The following DPH6 variants were observed in gnomAD, a reference collection of about 807,000 sequenced individuals.
The protein encoded by DPH6 is diphthamine biosynthesis 6, also known as diphthine--ammonia ligase.
In DPH6, 33 loss-of-function variants were observed where a neutral mutation model predicts 38.2. The ratio of observed to expected loss-of-function variants is 0.86; its 90% CI spans 0.65 to 1.15. The LOEUF (loss-of-function observed/expected upper bound fraction) is 1.15. Ranked by LOEUF, DPH6 falls within the 50% of genes most tolerant of loss-of-function variation. The probability of loss-of-function intolerance (pLI) is 0.00; values close to 1 mark genes in which losing one functional copy is unlikely to be tolerated. For missense variants in DPH6, 325 were observed against 320.0 expected (o/e 1.02, Z -0.12); for synonymous variants, 108 against 103.0 (o/e 1.05, Z -0.30).
chr15:35,365,822 C>T, intron 3 of DPH6: 3 of 985,200 alleles, frequency 3.0e-6, no homozygotes, highest in Non-Finnish European at 3.6e-6. Flanking sequence ...TAATCTGCTC[C>T]AGTGACCATT....
chr15:35,248,216 A>G (rs925790988), intron 3 of DPH6, among the ~76,000 whole-genome samples: 1 of 152,176 alleles, frequency 6.6e-6, no homozygotes, highest in Non-Finnish European at 1.5e-5. Flanking sequence ...TTCTCCCCTG[A>G]GGCAAGCCAT....
intron 5 of DPH6, among the ~76,000 whole-genome samples, chr15:35,421,391 A>G (rs1270089465): frequency 6.6e-6 from 1 of 152,212 alleles, no homozygotes; most frequent in African/African-American, 2.4e-5. Context: ...TTTAAGATCA[A>G]TGGCATACAT....
intron 3 of DPH6, among the ~76,000 whole-genome samples, chr15:35,466,586 C>T (rs188504414): frequency 1.4e-4 from 21 of 152,140 alleles, no homozygotes; most frequent in Admixed American, 1.2e-3. Context: ...AGTAATAGGA[C>T]CATATTGAAA....
At chr15:35,437,806 T>C (rs2053736826) in intron 5 of DPH6, among the ~76,000 whole-genome samples, 1 of 152,234 alleles carries the variant, frequency 6.6e-6, no homozygotes, top group African/African-American at 2.4e-5. Flanking sequence ...CTTGGAAGCA[T>C]GACCTGTAAC....
chr15:35,243,756 C>T (rs564320097), intron 3 of DPH6, among the ~76,000 whole-genome samples: 4 of 152,068 alleles, frequency 2.6e-5, no homozygotes, highest in South Asian at 2.1e-4. Context: ...GGACTCAGCC[C>T]GCCTGCACCC....
the DPH6 span, among the ~76,000 whole-genome samples, chr15:35,192,712 G>A: frequency 6.6e-6 from 1 of 152,152 alleles, no homozygotes; most frequent in Non-Finnish European, 1.5e-5. Flanking sequence ...TATAGGTAAT[G>A]AATCAATATT....
At chr15:35,199,717 A>AG in the DPH6 span, among the ~76,000 whole-genome samples, 3 of 152,062 alleles carry the variant, frequency 2.0e-5, no homozygotes, top group Non-Finnish European at 4.4e-5. Context: ...AAAAAAAAAA[A>AG]GAATGGGGAT....
intron 3 of DPH6, among the ~76,000 whole-genome samples, chr15:35,274,073 G>A (rs1344405105): frequency 6.6e-6 from 1 of 152,090 alleles, no homozygotes; most frequent in Non-Finnish European, 1.5e-5. Context: ...CAATGGAACC[G>A]AATAGAGACC....
intron 3 of DPH6, among the ~76,000 whole-genome samples, chr15:35,499,865 C>T (rs1182051837): frequency 6.6e-6 from 1 of 152,142 alleles, no homozygotes; most frequent in Non-Finnish European, 1.5e-5. Flanking sequence ...TTGCTAATAG[C>T]GCAGCCAGGC....
the DPH6 span, among the ~76,000 whole-genome samples, chr15:35,190,589 AG>A: frequency 6.6e-6 from 1 of 152,310 alleles, no homozygotes; most frequent in African/African-American, 2.4e-5. Context: ...TATCCCCAAG[AG>A]CAGTTTAGGG....
intron 3 of DPH6, chr15:35,237,944 GA>G: frequency 7.1e-7 from 1 of 1,412,388 alleles, no homozygotes; most frequent in Non-Finnish European, 1.0e-6. Flanking sequence ...GGAGGAGGAT[GA>G]AAAAGGTTAT....
chr15:35,145,294 G>C, the DPH6 span, among the ~76,000 whole-genome samples: 398 of 152,234 alleles, frequency 2.6e-3, 1 homozygote, highest in African/African-American at 9.3e-3. Context: ...TCATAACATA[G>C]ATGTGCTATC....
At chr15:35,211,927 C>CG in the DPH6 span, among the ~76,000 whole-genome samples, 6 of 152,182 alleles carry the variant, frequency 3.9e-5, no homozygotes, top group Admixed American at 3.3e-4. Flanking sequence ...ATAAGGCCTT[C>CG]GGCTCTACAT....
chr15:35,413,272 C>T (rs1595542174), intron 5 of DPH6, among the ~76,000 whole-genome samples: 1 of 151,640 alleles, frequency 6.6e-6, no homozygotes, highest in East Asian at 1.9e-4. Context: ...GATTATGTAC[C>T]TAAACACATA....
intron 1 of DPH6, 52 bp downstream of exon 1, chr15:35,546,067 A>G (rs866461748): frequency 1.5e-6 from 2 of 1,321,134 alleles, no homozygotes; most frequent in Middle Eastern, 1.9e-4. Flanking sequence ...GGCGGCTGGA[A>G]GGGACGAGAG....
chr15:35,362,887 T>G (rs1231119231), intron 3 of DPH6, among the ~76,000 whole-genome samples: 4 of 152,180 alleles, frequency 2.6e-5, no homozygotes, highest in Non-Finnish European at 5.9e-5. Context: ...AAGGATATAC[T>G]GTTGTCCCCA....
At position 35,454,814 on chromosome 15, in the gene DPH6, C is replaced by T; in HGVS notation, c.319G>A (p.Glu107Lys). The T allele has an allele frequency of 6.3e-7, 1 of 1,595,852 alleles. No individual in the cohort carries two copies. The highest frequency in any genetic ancestry group is 8.5e-7 in the Non-Finnish European group (1 of 1,173,852). ...CCTACTGATATCCCCTCTACTTCTT[C>T]TTTTTCCTGAAAATAAAGAAAAAAA... is the stretch of plus-strand genomic sequence containing the variant. ...YELLKLVKEK[E>K]EVEGISVGAI... Residue 107 changes from glutamate to lysine, a missense_variant, in exon 4 of 9, where the codon GAA becomes AAA. Transcript: ENST00000256538.
chr15:35,181,480 TAAAAA>T, the DPH6 span, among the ~76,000 whole-genome samples: 1 of 133,914 alleles, frequency 7.5e-6, no homozygotes, highest in African/African-American at 2.7e-5. Flanking sequence ...TGCTTTTTAG[TAAAAA>T]AAAAAAAATT....
downstream of DPH6, among the ~76,000 whole-genome samples, chr15:35,328,823 G>C (rs1369402206): frequency 6.6e-6 from 1 of 152,156 alleles, no homozygotes; most frequent in Non-Finnish European, 1.5e-5. Flanking sequence ...AAAAGAAAGA[G>C]GTTTAATTGG....
Sources: allele counts gnomAD v4.1 joint callset (sites outside exome capture counted in the v4.1 genomes callset), GRCh38; gene constraint gnomAD v4.1.1; transcripts MANE v1.5; gene names NCBI Gene and HGNC (gene_info 2026-07-23, HGNC 2026-07-21).